Variants in ZNF148 observed in about 807,000 individuals in gnomAD.
ZNF148 encodes Beta-Enolase Repressor Factor-1.
A neutral mutation model predicts 67.7 loss-of-function variants in ZNF148; 7 were observed. The observed-to-expected ratio is 0.10, with a 90% CI of 0.06 to 0.19. The LOEUF (loss-of-function observed/expected upper bound fraction) is 0.19. Ranked by LOEUF, ZNF148 falls within the 10% of genes least tolerant of loss-of-function variation. The probability of loss-of-function intolerance (pLI) is 1.00; values close to 1 mark genes in which losing one functional copy is unlikely to be tolerated. For missense variants in ZNF148, 583 were observed against 947.1 expected (o/e 0.62, Z 5.05); for synonymous variants, 333 against 330.7 (o/e 1.01, Z -0.08).
chr3:125,302,220 T>C (rs1270817710), intron 4 of ZNF148, among the ~76,000 whole-genome samples: 9 of 148,478 alleles, frequency 6.1e-5, no homozygotes, highest in Admixed American at 3.3e-4. Context: ...CTGAAAAAAA[T>C]TGTGAACATT....
intron 3 of ZNF148, among the ~76,000 whole-genome samples, chr3:125,319,591 T>G (rs1940680655): frequency 6.6e-6 from 1 of 152,252 alleles, no homozygotes; most frequent in Non-Finnish European, 1.5e-5. Context: ...TTAATATGTT[T>G]ATGTCTGTAT....
intron 2 of ZNF148, among the ~76,000 whole-genome samples, chr3:125,329,402 C>T (rs567331698): frequency 1.4e-5 from 2 of 146,646 alleles, no homozygotes; most frequent in Non-Finnish European, 3.0e-5. Context: ...CGCTCTGTCG[C>T]CCAGGCTGGA....
Position 125,371,381 on chromosome 3 carries a change from G to C in ZNF148, c.-234+3721C>G, listed in dbSNP as rs1297129291. On this transcript the variant is annotated intron_variant, in intron 1 of 8. Coordinates refer to ENST00000360647, the MANE Select transcript of ZNF148 (RefSeq NM_021964.3). Reference sequence around the variant, plus strand: ...CAAAAAAAAAAAAAAAAGGGGGGGGGGGGGGCAGGGCGAAGTGGCTCACGC... The same window carrying C: ...CAAAAAAAAAAAAAAAAGGGGGGGGCGGGGGCAGGGCGAAGTGGCTCACGC... Among the ~76,000 whole-genome samples, 32 of 136,964 alleles carry C rather than the reference G, an allele frequency of 2.3e-4. No homozygotes were observed. The East Asian group carries it at 4.5e-3, about 19-fold the overall frequency. 89.9% of individuals were successfully genotyped at this position (136,964 alleles called of 152,430 possible). A position where few individuals can be genotyped will look rare whatever the true frequency, so the allele number is the denominator to read the frequency against.
Position 125,277,733 on chromosome 3 carries a change from A to G in ZNF148, c.660T>C (p.Ile220=), listed in dbSNP as rs1301538013. ...QKYLLQRHEK[I]HTGEKPFRCD... The stretch of plus-strand genomic sequence containing the variant: ...AGGGTGGTTAACACTCACCAGTATG[A>G]ATCTTCTCATGTCTCTGAAGCAGGT... The change falls in exon 7 of 9, where the codon ATT becomes ATC. Residue 220 remains isoleucine, a synonymous_variant. Transcript: ENST00000360647. 3.1e-6 allele frequency: 5 copies of G among 1,611,010 alleles called. No individual in the cohort carries two copies. The highest frequency in any genetic ancestry group is 4.2e-6 in the Non-Finnish European group (5 of 1,178,920).
At chr3:125,353,764 G>A (rs1942245008) in intron 1 of ZNF148, among the ~76,000 whole-genome samples, 1 of 150,692 alleles carries the variant, frequency 6.6e-6, no homozygotes, top group Non-Finnish European at 1.5e-5. Flanking sequence ...CCAGAATAAA[G>A]TTTAAAAAAA....
rs551993540 is a variant in ZNF148 at position 125,306,651 on chromosome 3, T to C, written c.333+6657A>G. ...GTGGGAGGCCACTTGAGCCCAGGAG[T>C]TCAAGACAAGTCTGGACAACATAGT... On this transcript the variant is annotated intron_variant, in intron 4 of 8. Coordinates refer to ENST00000360647, the MANE Select transcript of ZNF148 (RefSeq NM_021964.3). 2.0e-5 allele frequency among the ~76,000 whole-genome samples: 3 copies of C among 151,392 alleles called. No homozygotes were observed. The South Asian group carries it at 6.3e-4, about 32-fold the overall frequency.
intron 4 of ZNF148, among the ~76,000 whole-genome samples, chr3:125,303,300 G>A (rs979777076): frequency 2.6e-5 from 4 of 152,144 alleles, no homozygotes; most frequent in African/African-American, 9.7e-5. Flanking sequence ...GATTGCTTTG[G>A]TGGTTACACA....
intron 7 of ZNF148, among the ~76,000 whole-genome samples, chr3:125,268,238 A>AC (rs113275007): frequency 1.2e-4 from 1 of 8,380 alleles, no homozygotes; most frequent in Non-Finnish European, 2.7e-4. Flanking sequence ...ATATAGAACC[A>AC]AAAAAAAAAA....
intron 3 of ZNF148, among the ~76,000 whole-genome samples, chr3:125,316,622 CCTGT>C: frequency 6.6e-6 from 1 of 152,108 alleles, no homozygotes; most frequent in East Asian, 1.9e-4. Flanking sequence ...TTTTCATATG[CCTGT>C]CTGCCATTTA....
intron 1 of ZNF148, among the ~76,000 whole-genome samples, chr3:125,331,737 TA>T (rs1201717515): frequency 1.3e-5 from 2 of 152,182 alleles, no homozygotes; most frequent in African/African-American, 4.8e-5. Context: ...AAGCAAAAGG[TA>T]TTTAATAATG....
At chr3:125,354,729 TTTAA>T (rs1205843548) in intron 1 of ZNF148, among the ~76,000 whole-genome samples, 1 of 152,240 alleles carries the variant, frequency 6.6e-6, no homozygotes, top group Non-Finnish European at 1.5e-5. Context: ...CATAACTAAC[TTTAA>T]TTGTTTTGTT....
At position 125,276,510 on chromosome 3, in the gene ZNF148, C is replaced by T. The variant is rs372760858; in HGVS notation, c.667+1216G>A. Among the ~76,000 whole-genome samples, 87 of 151,928 alleles carry T rather than the reference C, an allele frequency of 5.7e-4. No homozygotes were observed. In the East Asian group the frequency reaches 7.9e-3, roughly 14 times the overall value. On this transcript the variant is annotated intron_variant, in intron 7 of 8. Coordinates refer to ENST00000360647, the MANE Select transcript of ZNF148 (RefSeq NM_021964.3). ...GTGCAATGGCGCGATCTCGACTCAC[C>T]GCAACCTCCGCCTCCCGGGTTCAAG...
At chr3:125,351,751 T>C (rs1178210424) in intron 1 of ZNF148, among the ~76,000 whole-genome samples, 1 of 152,082 alleles carries the variant, frequency 6.6e-6, no homozygotes, top group Non-Finnish European at 1.5e-5. Flanking sequence ...TCAGAAGACA[T>C]TTCTCCAAAA....
In ZNF148 at chr3:125,268,891, TC is replaced by T. The variant is rs1347919504; in HGVS notation, c.667+8834del. Among the ~76,000 whole-genome samples, 3 of 152,140 alleles carry T rather than the reference TC, an allele frequency of 2.0e-5. No homozygotes were observed. The East Asian group carries it at 5.8e-4, about 29-fold the overall frequency. On this transcript the variant is annotated intron_variant, in intron 7 of 8. Transcript: ENST00000360647. ...CTAGAGTTTCTGCATAGCAAAAGAA[TC>T]AGCAGAGTAAACAGACAACCTACAG... is the stretch of plus-strand genomic sequence containing the variant.
In ZNF148 at chr3:125,233,356, G is replaced by A. The variant is rs1286550270; in HGVS notation, c.1370C>T (p.Pro457Leu). ...ATCATAATTAGTACTACTATGCACAGGTTTACTGGGCCCCTCCTGCAAATT... is the reference window on the plus strand; with the variant it reads ...ATCATAATTAGTACTACTATGCACAAGTTTACTGGGCCCCTCCTGCAAATT... ...VDNLQEGPSK[P>L]VHSSTNYDDA... is the part of the protein sequence containing the mutation. The change falls in exon 9 of 9, where the codon CCT (proline) becomes CTT (leucine). Residue 457 changes from proline to leucine, a missense_variant. Pro to Leu is a moderately conservative substitution (Grantham distance 98). Transcript: ENST00000360647. This position sits in a 1 kb window ranked among gnomAD's most constrained non-coding sequence, Gnocchi z 5.1. 6.2e-7 allele frequency: 1 copy of A among 1,613,982 alleles called. No individual in the cohort carries two copies. Among genetic ancestry groups the A allele is most frequent in the South Asian group, 1.1e-5 (1 of 91,082 alleles).
At chr3:125,344,429 A>G in intron 1 of ZNF148, 2 of 801,972 alleles carry the variant, frequency 2.5e-6, no homozygotes, top group South Asian at 1.3e-5. Flanking sequence ...ATTCCAAAAA[A>G]AAGTCCTCAA....
chr3:125,244,780 G>A (rs2107534693), intron 7 of ZNF148, among the ~76,000 whole-genome samples: 1 of 152,288 alleles, frequency 6.6e-6, no homozygotes, highest in East Asian at 1.9e-4. Flanking sequence ...TTACAGGCAT[G>A]AGCCATCGCA....
intron 7 of ZNF148, among the ~76,000 whole-genome samples, chr3:125,250,389 G>A (rs532375560): frequency 1.2e-4 from 19 of 152,246 alleles, no homozygotes; most frequent in Admixed American, 2.6e-4. Flanking sequence ...GGGAATCAAC[G>A]CTGGCTGGCT....
intron 4 of ZNF148, among the ~76,000 whole-genome samples, chr3:125,297,265 C>T (rs1417416073): frequency 6.6e-6 from 1 of 152,064 alleles, no homozygotes; most frequent in East Asian, 1.9e-4. Flanking sequence ...TCTTAATCTC[C>T]ACAATTCACA....
Sources: allele counts gnomAD v4.1 joint callset (sites outside exome capture counted in the v4.1 genomes callset), GRCh38; gene constraint gnomAD v4.1.1; non-coding constraint Gnocchi (gnomAD v3.1); transcripts MANE v1.5; gene names NCBI Gene and HGNC (gene_info 2026-07-23, HGNC 2026-07-21).